The following MEIG1 variants were observed in gnomAD, a reference collection of about 807,000 sequenced individuals.
The protein encoded by MEIG1 is meiosis/spermiogenesis associated 1.
A neutral mutation model predicts 11.3 loss-of-function variants in MEIG1; 12 were observed. The observed-to-expected ratio is 1.07, with a 90% CI of 0.68 to 1.73. The LOEUF (loss-of-function observed/expected upper bound fraction) is 1.73. MEIG1 is among the 40% of genes most tolerant of loss of function. MEIG1 has a pLI of 0.00. For missense variants in MEIG1, 119 were observed against 104.9 expected (o/e 1.13, Z -0.59); for synonymous variants, 41 against 33.2 (o/e 1.24, Z -0.81).
At chr10:14,954,377 C>T in the MEIG1 span, 1 of 369,960 alleles carries the variant, frequency 2.7e-6, no homozygotes, top group Non-Finnish European at 5.2e-6. Context: ...CAGGTGGCCC[C>T]AGCCGACGAG....
chr10:14,960,534 T>C (rs1313452332), intron 1 of MEIG1, among the ~76,000 whole-genome samples: 2 of 152,054 alleles, frequency 1.3e-5, no homozygotes, highest in Non-Finnish European at 2.9e-5. Context: ...TTCTCCTGCC[T>C]CAGCCTCCCG....
chr10:14,975,374 T>C (rs533050468), downstream of MEIG1, among the ~76,000 whole-genome samples: 46 of 151,196 alleles, frequency 3.0e-4, no homozygotes, highest in Admixed American at 5.3e-4. Context: ...CTAATATCCA[T>C]GGAGAGGAGA....
At chr10:14,957,339 C>G (rs1842961628), upstream of MEIG1, among the ~76,000 whole-genome samples, 1 of 152,198 alleles carries the variant, frequency 6.6e-6, no homozygotes, top group Admixed American at 6.5e-5. Context: ...ACACTGTGCT[C>G]TCTGACAACA....
intron 1 of MEIG1, among the ~76,000 whole-genome samples, chr10:14,981,600 G>A (rs374335918): frequency 1.6e-4 from 25 of 152,064 alleles, no homozygotes; most frequent in African/African-American, 5.6e-4. Flanking sequence ...CTCTACCCCC[G>A]ACAGTCATTC....
At chr10:14,978,143 C>T (rs552819144) in intron 1 of MEIG1, among the ~76,000 whole-genome samples, 1 of 151,764 alleles carries the variant, frequency 6.6e-6, no homozygotes, top group Non-Finnish European at 1.5e-5. Flanking sequence ...GAGGTTACTC[C>T]TAATATCACA....
chr10:14,964,358 A>G (rs542070953), intron 1 of MEIG1, among the ~76,000 whole-genome samples: 16 of 151,862 alleles, frequency 1.1e-4, no homozygotes, highest in African/African-American at 3.6e-4. Flanking sequence ...TTTTATTTCC[A>G]TTTCCTATTT....
rs769847235 is a variant in MEIG1 at position 14,984,139 on chromosome 10, CTG to C, written n.67-2652_67-2651del. On this transcript the variant is annotated intron_variant and non_coding_transcript_variant, in intron 1 of 2. Coordinates refer to the MEIG1 transcript ENST00000467536. ...TATTATTGACAATACCGTCAACACGCTGTGTGACCACGGTGGATCGTCATATC... is the reference window on the plus strand; with the variant it reads ...TATTATTGACAATACCGTCAACACGCTGTGACCACGGTGGATCGTCATATC... Among the ~76,000 whole-genome samples, 26 of 152,108 alleles carry C rather than the reference CTG, an allele frequency of 1.7e-4. No individual in the cohort carries two copies. The South Asian group carries it at 2.9e-3, about 17-fold the overall frequency.
chr10:14,954,310 G>A, the MEIG1 span: 3 of 505,372 alleles, frequency 5.9e-6, no homozygotes, highest in African/African-American at 3.9e-5. Flanking sequence ...CTCTGGTAAG[G>A]CGTTGCCCAT....
chr10:14,985,126 G>A (rs1843305671), intron 1 of MEIG1, among the ~76,000 whole-genome samples: 1 of 151,846 alleles, frequency 6.6e-6, no homozygotes, highest in Non-Finnish European at 1.5e-5. Context: ...AATGTCACAC[G>A]GGGTGTACAC....
At chr10:14,986,085 G>T (rs1426283607) in intron 1 of MEIG1, among the ~76,000 whole-genome samples, 1 of 152,114 alleles carries the variant, frequency 6.6e-6, no homozygotes, top group African/African-American at 2.4e-5. Context: ...ATATCCTAGG[G>T]AGGTATTAAT....
chr10:14,962,548 T>C (rs1473248344), intron 1 of MEIG1, among the ~76,000 whole-genome samples: 1 of 152,216 alleles, frequency 6.6e-6, no homozygotes, highest in Non-Finnish European at 1.5e-5. Context: ...TATGTATAGT[T>C]GCCATAATTT....
chr10:14,978,699 T>C (rs574690964), intron 1 of MEIG1, among the ~76,000 whole-genome samples: 110 of 152,124 alleles, frequency 7.2e-4, no homozygotes, highest in African/African-American at 2.5e-3. Context: ...CATCTTGTTA[T>C]ATTAGCCGTG....
At chr10:14,976,362 G>A (rs1282322236), downstream of MEIG1, among the ~76,000 whole-genome samples, 1 of 152,118 alleles carries the variant, frequency 6.6e-6, no homozygotes. Context: ...CAGTATCCTA[G>A]CGGGACATTA....
intron 2 of MEIG1, among the ~76,000 whole-genome samples, chr10:14,968,290 C>G (rs1342585903): frequency 6.6e-6 from 1 of 152,008 alleles, no homozygotes; most frequent in African/African-American, 2.4e-5. Context: ...GAGTTTGAGA[C>G]CAGCCTAGCC....
chr10:14,971,204 T>TATAATAATAATAATA (rs773804590), intron 2 of MEIG1, among the ~76,000 whole-genome samples: 3 of 57,168 alleles, frequency 5.2e-5, no homozygotes, highest in South Asian at 5.6e-4. Flanking sequence ...CTCGGCAACA[T>TATAATAATAATAATA]ATAATAATAA....
chr10:14,985,296 C>A (rs1305472399), intron 1 of MEIG1, among the ~76,000 whole-genome samples: 1 of 151,616 alleles, frequency 6.6e-6, no homozygotes, highest in African/African-American at 2.4e-5. Context: ...CATATCCTGG[C>A]GGGATGTTAC....
At chr10:14,975,819 C>T (rs1286690409), downstream of MEIG1, among the ~76,000 whole-genome samples, 1 of 152,090 alleles carries the variant, frequency 6.6e-6, no homozygotes, top group African/African-American at 2.4e-5. Flanking sequence ...TGATATTGGT[C>T]CTAATTTCAA....
intron 2 of MEIG1, among the ~76,000 whole-genome samples, chr10:14,970,932 A>C (rs1032307981): frequency 6.6e-6 from 1 of 152,180 alleles, no homozygotes. Flanking sequence ...GTTATGATAA[A>C]GTGCATCTCA....
In MEIG1 at chr10:14,978,054, A is replaced by AG. The variant is rs201565037; in HGVS notation, n.66+5438dup. Reference sequence around the variant, plus strand: ...AGGGGGGTGTTCCTTTTAAAGTCACAGGGGTGTACACCCTGTAATGTTATT... The same window carrying AG: ...AGGGGGGTGTTCCTTTTAAAGTCACAGGGGGTGTACACCCTGTAATGTTATT... On this transcript the variant is annotated intron_variant and non_coding_transcript_variant, in intron 1 of 2. Transcript: ENST00000467536. Among the ~76,000 whole-genome samples the AG allele has an allele frequency of 8.1e-3, 1,234 of 151,842 alleles. 12 individuals carry two copies. The highest frequency in any genetic ancestry group is 0.028 in the African/African-American group (1,169 of 41,404).
Sources: gnomAD v4.1 joint callset for allele counts (sites outside exome capture counted in the v4.1 genomes callset) on GRCh38, gnomAD v4.1.1 for gene constraint, MANE v1.5 for transcripts, NCBI Gene and HGNC (gene_info 2026-07-23, HGNC 2026-07-21) for gene names.